The following TIAM2 variants were observed in gnomAD, a reference collection of about 807,000 sequenced individuals.
The protein encoded by TIAM2 is rho guanine nucleotide exchange factor TIAM2.
TIAM2 carries 80 observed loss-of-function variants against 152.9 expected under a neutral mutation model. The ratio of observed to expected loss-of-function variants is 0.52; its 90% CI spans 0.44 to 0.63. The LOEUF is 0.63. Among genes scored for constraint, TIAM2 ranks in the 30% least tolerant of loss-of-function variants. TIAM2 has a pLI of 0.00. For missense variants in TIAM2, 1,965 were observed against 2,120.1 expected (o/e 0.93, Z 1.44); for synonymous variants, 804 against 838.0 (o/e 0.96, Z 0.70).
At chr6:155,204,981 A>G (rs1781561254) in intron 14 of TIAM2, among the ~76,000 whole-genome samples, 1 of 152,082 alleles carries the variant, frequency 6.6e-6, no homozygotes, top group South Asian at 2.1e-4. Context: ...GTGGAAGGGT[A>G]AACAGTGGAA....
At position 155,047,698 on chromosome 6, in the gene TIAM2, A is replaced by AGAG. The variant is rs1562300166; in HGVS notation, c.-208-42590_-208-42588dup. On this transcript the variant is annotated intron_variant, in intron 1 of 26. Coordinates refer to ENST00000682666, the MANE Select transcript of TIAM2 (RefSeq NM_012454.4). Reference sequence around the variant, plus strand: ...AGAGAGAGAGAGAGAGGAGAGAGAGAGAGAGAGCGAGAGAGAGAGAGAGAG... The same window carrying AGAG: ...AGAGAGAGAGAGAGAGGAGAGAGAGAGAGGAGAGAGCGAGAGAGAGAGAGAGAG... Among the ~76,000 whole-genome samples, 261 of 41,596 alleles carry AGAG rather than the reference A, an allele frequency of 6.3e-3. 19 individuals are homozygous for AGAG. The highest frequency in any genetic ancestry group is 0.027 in the African/African-American group (230 of 8,420). 27.3% of individuals were successfully genotyped at this position (41,596 alleles called of 152,430 possible). A position where few individuals can be genotyped will look rare whatever the true frequency, so the allele number is the denominator to read the frequency against.
At chr6:155,236,599 G>A (rs952099945) in intron 15 of TIAM2, among the ~76,000 whole-genome samples, 1 of 152,164 alleles carries the variant, frequency 6.6e-6, no homozygotes, top group Admixed American at 6.5e-5. Context: ...GGAGGCAGAG[G>A]TTGCAGTGAG....
chr6:155,043,186 A>G (rs995429624), intron 1 of TIAM2, among the ~76,000 whole-genome samples: 1 of 151,988 alleles, frequency 6.6e-6, no homozygotes. Context: ...CTGACTGTGC[A>G]CTCACCTGCT....
rs1474589927 is a variant in TIAM2 at position 155,045,160 on chromosome 6, G to A, written c.-208-45129G>A. The stretch of plus-strand genomic sequence containing the variant: ...CTGCCCACTGCAACCTCTGCCTTCC[G>A]TGTTCACACGATTCTCCTGCCTCGG... On this transcript the variant is annotated intron_variant, in intron 1 of 26. Coordinates refer to ENST00000682666, the MANE Select transcript of TIAM2 (RefSeq NM_012454.4). Among the ~76,000 whole-genome samples, 12 of 149,676 alleles carry A rather than the reference G, an allele frequency of 8.0e-5. No homozygotes were observed. In the Admixed American group the frequency reaches 8.1e-4, roughly 10 times the overall value.
chr6:155,180,050 C>T (rs1391260805), intron 12 of TIAM2, among the ~76,000 whole-genome samples: 6 of 152,200 alleles, frequency 3.9e-5, no homozygotes, highest in South Asian at 2.1e-4. Flanking sequence ...GAGGCCAAGG[C>T]GGGCAGATCA....
chr6:155,186,949 G>C lies in TIAM2; in HGVS notation c.3064+3449G>C, dbSNP rs1781054832. 6.6e-6 allele frequency among the ~76,000 whole-genome samples: 1 copy of C among 152,126 alleles called. No individual in the cohort carries two copies. The highest frequency in any genetic ancestry group is 1.5e-5 in the Non-Finnish European group (1 of 68,006). On this transcript the variant is annotated intron_variant, in intron 14 of 26. Transcript: ENST00000682666. This position sits in a 1 kb window ranked among gnomAD's most constrained non-coding sequence, Gnocchi z 4.5. Reference sequence around the variant, plus strand: ...CTTGAAAAGAAGGAAAGTTCTGTTTGCTTTTCCAGAGAAGCCAATCCTTTG... The same window carrying C: ...CTTGAAAAGAAGGAAAGTTCTGTTTCCTTTTCCAGAGAAGCCAATCCTTTG...
intron 1 of TIAM2, among the ~76,000 whole-genome samples, chr6:155,052,910 G>T (rs1489210269): frequency 6.6e-6 from 1 of 152,056 alleles, no homozygotes. Context: ...TTCCATAAAT[G>T]CTAGGACCAT....
At chr6:155,231,400 A>C (rs1782467278) in intron 15 of TIAM2, among the ~76,000 whole-genome samples, 1 of 152,174 alleles carries the variant, frequency 6.6e-6, no homozygotes, top group Non-Finnish European at 1.5e-5. Flanking sequence ...CATTTTGATA[A>C]ATATAAAAAT....
chr6:155,226,675 C>CG (rs1562361047), intron 15 of TIAM2, among the ~76,000 whole-genome samples: 2 of 81,816 alleles, frequency 2.4e-5, no homozygotes, highest in Non-Finnish European at 5.2e-5. Context: ...CGGGTGGGGG[C>CG]GGGGGGCAGG....
rs749392632 is a variant in TIAM2 at position 155,129,457 on chromosome 6, C to T, written c.234C>T (p.Leu78=). Residue 78 remains leucine, a synonymous_variant, in exon 4 of 27, where the codon CTC becomes CTT. Coordinates refer to ENST00000682666, the MANE Select transcript of TIAM2 (RefSeq NM_012454.4). The surrounding 1 kb of genome is among the most constrained non-coding windows in gnomAD (Gnocchi z 4.8). Reference sequence around the variant, plus strand: ...GTAACCAGCCTTACGCATCGAGACTCGGTGGCCCCACATGCAAGGTCTCCA... The same window carrying T: ...GTAACCAGCCTTACGCATCGAGACTTGGTGGCCCCACATGCAAGGTCTCCA... The part of the protein sequence containing the change: ...FKSNQPYASR[L]GGPTCKVSRG... The T allele has an allele frequency of 3.1e-6, 5 of 1,613,976 alleles. No individual in the cohort carries two copies. Among genetic ancestry groups the T allele is most frequent in the East Asian group, 2.2e-5 (1 of 44,872 alleles).
chr6:155,012,861 A>G (rs371887037), intron 1 of TIAM2, among the ~76,000 whole-genome samples: 1 of 152,238 alleles, frequency 6.6e-6, no homozygotes, highest in South Asian at 2.1e-4. Flanking sequence ...CTCTGATGCT[A>G]TTTTAGAAAT....
intron 1 of TIAM2, among the ~76,000 whole-genome samples, chr6:155,070,833 T>G (rs1369531759): frequency 6.6e-6 from 1 of 152,182 alleles, no homozygotes; most frequent in East Asian, 1.9e-4. Context: ...TGTGTCTACA[T>G]GACTGACCCT....
chr6:155,082,948 CTATT>C, intron 1 of TIAM2, among the ~76,000 whole-genome samples: 1 of 152,260 alleles, frequency 6.6e-6, no homozygotes, highest in East Asian at 1.9e-4. Context: ...TCATTCTCTT[CTATT>C]TGTTTATGAA....
intron 2 of TIAM2, among the ~76,000 whole-genome samples, chr6:155,122,483 G>A (rs1368655706): frequency 6.6e-6 from 1 of 151,910 alleles, no homozygotes; most frequent in East Asian, 1.9e-4. Context: ...ATGGAAGGTA[G>A]GATTTTGGGG....
chr6:155,083,113 C>T (rs903529137), intron 1 of TIAM2, among the ~76,000 whole-genome samples: 3 of 151,818 alleles, frequency 2.0e-5, no homozygotes, highest in Non-Finnish European at 2.9e-5. Context: ...TTTGGGAGAC[C>T]GAGACAGGTG....
At chr6:155,247,945 GAATTT>G in intron 19 of TIAM2, 50 bp from the exon 20 acceptor site, 3 of 1,548,454 alleles carry the variant, frequency 1.9e-6, no homozygotes, top group Non-Finnish European at 1.8e-6. Context: ...GAGAAATGAA[GAATTT>G]AATTCACCCC....
chr6:155,161,533 T>C (rs1780269998), intron 7 of TIAM2, among the ~76,000 whole-genome samples: 2 of 152,056 alleles, frequency 1.3e-5, no homozygotes. Context: ...CAACCTGTGG[T>C]GATTGGCATA....
intron 16 of TIAM2, among the ~76,000 whole-genome samples, chr6:155,242,170 G>A (rs1256721019): frequency 9.8e-5 from 15 of 152,290 alleles, no homozygotes; most frequent in Middle Eastern, 3.4e-3. Flanking sequence ...GCAGCTCTGC[G>A]CGGACCTGAT....
chr6:155,211,176 A>T lies in TIAM2; in HGVS notation c.3065-28A>T, dbSNP rs778466179. The T allele has an allele frequency of 1.5e-5, 24 of 1,602,042 alleles. No homozygotes were observed. In the South Asian group the frequency reaches 2.1e-4, roughly 14 times the overall value. ...TTATTCTCTGCAAATGGCCAAACTC[A>T]TATATGTTTTTGTCATTTTTTATGC... On this transcript the variant is annotated intron_variant, in intron 14 of 26. Coordinates refer to ENST00000682666, the MANE Select transcript of TIAM2 (RefSeq NM_012454.4).
Sources: gnomAD v4.1 joint callset for allele counts (sites outside exome capture counted in the v4.1 genomes callset) on GRCh38, gnomAD v4.1.1 for gene constraint, Gnocchi (gnomAD v3.1) non-coding constraint, MANE v1.5 for transcripts, NCBI Gene and HGNC (gene_info 2026-07-23, HGNC 2026-07-21) for gene names.